MCMDC2: variants seen among roughly 807,000 people sequenced by gnomAD.
The protein encoded by MCMDC2 is minichromosome maintenance domain containing 2.
Under a neutral mutation model 75.8 loss-of-function variants are expected in MCMDC2, and 54 were observed. That is an observed-to-expected ratio of 0.71 (90% CI 0.57 to 0.89). MCMDC2 has a LOEUF of 0.89. Ranked by LOEUF, MCMDC2 falls within the 40% of genes least tolerant of loss-of-function variation. MCMDC2 has a pLI of 0.00. For missense variants in MCMDC2, 656 were observed against 780.4 expected, an observed-to-expected ratio of 0.84 and a Z score of 1.90; for synonymous variants, 249 against 274.6, an observed-to-expected ratio of 0.91 and a Z score of 0.92.
chr8:66,919,848 G>A lies in MCMDC2; in HGVS notation c.*679G>A, dbSNP rs934843260. 27 of 152,174 alleles carry A rather than the reference G, an allele frequency of 1.8e-4. No individual in the cohort carries two copies. Among genetic ancestry groups the A allele is most frequent in the African/African-American group, 4.8e-4 (20 of 41,438 alleles). The allele number at this position is 152,174 out of a possible 1,614,324, so 9.4% of individuals were successfully genotyped here. On this transcript the variant is annotated 3_prime_UTR_variant, in exon 15 of 15. Coordinates refer to ENST00000422365, the MANE Select transcript of MCMDC2 (RefSeq NM_173518.5). ...GCTCTCTAACCCTAACTGGTTACAAGAAAGGCTCCAAAAGGCAAAGAAACC... is the reference window on the plus strand; with the variant it reads ...GCTCTCTAACCCTAACTGGTTACAAAAAAGGCTCCAAAAGGCAAAGAAACC...
intron 1 of MCMDC2, among the ~76,000 whole-genome samples, chr8:66,873,226 A>T (rs572013750): frequency 3.7e-4 from 56 of 152,280 alleles, no homozygotes; most frequent in Non-Finnish European, 4.7e-4. Context: ...TATGTTGGTC[A>T]CTGACACAAT....
At chr8:66,877,098 G>T (rs1811327033) in intron 4 of MCMDC2, among the ~76,000 whole-genome samples, 1 of 152,032 alleles carries the variant, frequency 6.6e-6, no homozygotes, top group Non-Finnish European at 1.5e-5. Flanking sequence ...AGTGGATATG[G>T]TCAGAAATTG....
At chr8:66,880,768 G>C (rs1438528645) in intron 7 of MCMDC2, 81 bp from the exon 8 acceptor site, 1 of 1,298,970 alleles carries the variant, frequency 7.7e-7, no homozygotes, top group East Asian at 2.9e-5. Flanking sequence ...TGTTTTACTA[G>C]TTCTGGATCT....
chr8:66,922,450 A>G, downstream of MCMDC2: 1 of 514,706 alleles, frequency 1.9e-6, no homozygotes, highest in Non-Finnish European at 3.9e-6. Flanking sequence ...CATGTCAGTA[A>G]TTAATCAATG....
intron 12 of MCMDC2, among the ~76,000 whole-genome samples, chr8:66,899,855 C>T (rs1264270243): frequency 1.3e-5 from 2 of 151,934 alleles, no homozygotes; most frequent in Non-Finnish European, 2.9e-5. Context: ...GGCCTAGTGG[C>T]TCACGCCTGT....
rs1304757552 is a variant in MCMDC2 at position 66,896,202 on chromosome 8, C to A, written c.1312C>A (p.Pro438Thr). Residue 438 changes from proline (P) to threonine (T), a missense_variant, in exon 11 of 15, where the codon CCA becomes ACA. By Grantham distance (38) the Pro-to-Thr change is conservative (BLOSUM62 -1). Coordinates refer to ENST00000422365, the MANE Select transcript of MCMDC2 (RefSeq NM_173518.5). ...LESRSITVYIPGKKFGEDIDQ... is the reference protein window; with the variant it reads ...LESRSITVYITGKKFGEDIDQ... ...GAGCAGAAGCATCACAGTGTACATC[C>A]CAGGAAAGAAGTTTGGGGAGGATAT... The A allele has an allele frequency of 6.2e-7, 1 of 1,611,746 alleles. No homozygotes were observed. The highest frequency in any genetic ancestry group is 2.2e-5 in the East Asian group (1 of 44,802).
intron 14 of MCMDC2, among the ~76,000 whole-genome samples, chr8:66,910,933 G>A (rs1211612701): frequency 6.6e-6 from 1 of 152,202 alleles, no homozygotes; most frequent in East Asian, 1.9e-4. Context: ...TACCCCTGTG[G>A]TATTTAGGAA....
intron 9 of MCMDC2, among the ~76,000 whole-genome samples, chr8:66,888,051 T>C (rs1811926787): frequency 6.6e-6 from 1 of 152,202 alleles, no homozygotes; most frequent in African/African-American, 2.4e-5. Flanking sequence ...AAATTTTAGA[T>C]CCTTTGCATT....
At chr8:66,906,968 A>G (rs1193152101) in intron 14 of MCMDC2, among the ~76,000 whole-genome samples, 1 of 151,926 alleles carries the variant, frequency 6.6e-6, no homozygotes, top group African/African-American at 2.4e-5. Flanking sequence ...GGGTTTCTCC[A>G]TGTTGGTCAG....
chr8:66,925,128 G>A (rs893489172), downstream of MCMDC2, among the ~76,000 whole-genome samples: 1 of 152,210 alleles, frequency 6.6e-6, no homozygotes, highest in Non-Finnish European at 1.5e-5. Flanking sequence ...CCTCCCGACG[G>A]TCCCTTGCAG....
chr8:66,913,662 G>A (rs1813195640), intron 14 of MCMDC2, among the ~76,000 whole-genome samples: 2 of 152,056 alleles, frequency 1.3e-5, no homozygotes, highest in African/African-American at 4.8e-5. Context: ...TGAGAGAATA[G>A]ACATTAAAAA....
At chr8:66,908,851 G>C (rs993134415) in intron 14 of MCMDC2, among the ~76,000 whole-genome samples, 3 of 152,198 alleles carry the variant, frequency 2.0e-5, no homozygotes, top group African/African-American at 7.2e-5. Flanking sequence ...GACCTCAAGT[G>C]ATCCACCTTC....
At chr8:66,901,647 G>A (rs1812665418) in intron 13 of MCMDC2, 1 of 1,064,368 alleles carries the variant, frequency 9.4e-7, no homozygotes, top group South Asian at 3.3e-5. Flanking sequence ...AAATGTGGCT[G>A]TTGGGCGGGC....
chr8:66,892,286 C>T (rs1186879676), intron 10 of MCMDC2, among the ~76,000 whole-genome samples: 2 of 152,202 alleles, frequency 1.3e-5, no homozygotes, highest in South Asian at 2.1e-4. Context: ...TGTCACCACT[C>T]ACAGCTCAGT....
intron 12 of MCMDC2, among the ~76,000 whole-genome samples, chr8:66,898,572 C>T (rs1457260469): frequency 2.0e-5 from 3 of 147,030 alleles, no homozygotes; most frequent in Admixed American, 1.4e-4. Context: ...TGAGGTGAGC[C>T]GAGATTGCGC....
At chr8:66,914,546 C>T (rs1006642298) in intron 14 of MCMDC2, among the ~76,000 whole-genome samples, 2 of 151,972 alleles carry the variant, frequency 1.3e-5, no homozygotes, top group Non-Finnish European at 1.5e-5. Context: ...CATAGTAAGC[C>T]GAGTAAGCAT....
chr8:66,926,073 C>T (rs1585930431), downstream of MCMDC2: 2 of 152,306 alleles, frequency 1.3e-5, 1 homozygote, highest in Non-Finnish European at 2.9e-5. Flanking sequence ...CGCTTGAACC[C>T]GGGCAGCGGA....
chr8:66,897,122 G>T (rs1325489231), intron 12 of MCMDC2, among the ~76,000 whole-genome samples, 163 bp downstream of exon 12: 3 of 152,038 alleles, frequency 2.0e-5, no homozygotes, highest in Non-Finnish European at 4.4e-5. Context: ...GTTATTTAGG[G>T]TTAGGCTGGT....
intron 9 of MCMDC2, among the ~76,000 whole-genome samples, chr8:66,889,679 G>C (rs1369502054): frequency 3.9e-5 from 6 of 152,052 alleles, no homozygotes; most frequent in African/African-American, 1.4e-4. Flanking sequence ...TGTGTCTGTG[G>C]TCCCAGCTAC....
Sources: gnomAD v4.1 joint callset for allele counts (sites outside exome capture counted in the v4.1 genomes callset) on GRCh38, gnomAD v4.1.1 for gene constraint, MANE v1.5 for transcripts, NCBI Gene and HGNC (gene_info 2026-07-23, HGNC 2026-07-21) for gene names.